DSG4: variants seen among roughly 807,000 people sequenced by gnomAD.
DSG4 encodes desmoglein 4.
In DSG4, 87 loss-of-function variants were observed where a neutral mutation model predicts 93.1. That is an observed-to-expected ratio of 0.93 (90% CI 0.79 to 1.12). The LOEUF is 1.12. Ranked by LOEUF, DSG4 falls within the 50% of genes most tolerant of loss-of-function variation. The probability of loss-of-function intolerance (pLI) is 0.00; values close to 1 mark genes in which losing one functional copy is unlikely to be tolerated. For synonymous variants in DSG4, 432 were observed against 452.9 expected, an observed-to-expected ratio of 0.95 and a Z score of 0.59; for missense variants, 1,373 against 1,285.7, an observed-to-expected ratio of 1.07 and a Z score of -1.04.
chr18:31,397,126 T>C (rs182522682), intron 8 of DSG4, among the ~76,000 whole-genome samples: 1 of 152,328 alleles, frequency 6.6e-6, no homozygotes, highest in East Asian at 1.9e-4. Flanking sequence ...CAGTGTCATA[T>C]TAAATTAGAA....
Position 31,392,428 on chromosome 18 carries a change from A to T in DSG4, c.1005+88A>T, listed in dbSNP as rs534492418. 1.0e-4 allele frequency: 137 copies of T among 1,339,596 alleles called. No homozygotes were observed. In the African/African-American group the frequency reaches 1.6e-3, roughly 16 times the overall value. The allele number at this position is 1,339,596 out of a possible 1,614,324, so 83.0% of individuals were successfully genotyped here. On this transcript the variant is annotated intron_variant, in intron 8 of 15. Transcript: ENST00000308128. ...GACCTTAGAGACAGAATCTGCCTTT[A>T]AAAAAAAGTACTTCATAACTTTGAA...
chr18:31,400,889 T>C lies in DSG4; in HGVS notation c.1286T>C (p.Ile429Thr), dbSNP rs2072357467. 21 of 1,612,218 alleles carry C rather than the reference T, an allele frequency of 1.3e-5. No individual in the cohort carries two copies. Among genetic ancestry groups the C allele is most frequent in the East Asian group, 2.2e-5 (1 of 44,726 alleles). The part of the protein sequence containing the change: ...GNPATDVRYI[I>T]GHDAGSWLKI... Reference sequence around the variant, plus strand: ...TTTTTATTTAAAAACAGATATATCATAGGGCATGATGCAGGCAGCTGGTTA... The same window carrying C: ...TTTTTATTTAAAAACAGATATATCACAGGGCATGATGCAGGCAGCTGGTTA... The change falls in exon 10 of 16, where the codon ATA (isoleucine) becomes ACA (threonine). Residue 429 changes from isoleucine to threonine, a missense_variant. Physicochemically the swap from Ile to Thr is moderately conservative, Grantham distance 89 (BLOSUM62 -1). Transcript: ENST00000308128.
chr18:31,378,213 G>A (rs987152486), intron 1 of DSG4, among the ~76,000 whole-genome samples: 9 of 152,082 alleles, frequency 5.9e-5, no homozygotes, highest in Admixed American at 3.3e-4. Flanking sequence ...AACATAAGAC[G>A]AAGGGCAATA....
intron 14 of DSG4, chr18:31,411,009 G>C (rs1012127266): frequency 1.3e-5 from 17 of 1,345,082 alleles, no homozygotes; most frequent in Non-Finnish European, 1.7e-5. Context: ...AATGTGGGAA[G>C]GCCACGTCCC....
rs151238705 is a variant in DSG4, at chr18:31,413,495, G to A, written c.3023G>A (p.Ser1008Asn). 598 of 1,613,794 alleles carry A rather than the reference G, an allele frequency of 3.7e-4. No homozygotes were observed. The African/African-American group carries it at 6.7e-3, about 18-fold the overall frequency. Residue 1008 changes from serine (S) to asparagine (N), a missense_variant, in exon 16 of 16, where the codon AGT (serine) becomes AAT (asparagine). By Grantham distance (46) the Ser-to-Asn change is conservative. Transcript: ENST00000308128. ...GPEIQVMQMM[S>N]PDLPIGQTVG... Reference sequence around the variant, plus strand: ...GAAATTCAAGTGATGCAAATGATGAGTCCAGACCTTCCCATAGGCCAAACC... The same window carrying A: ...GAAATTCAAGTGATGCAAATGATGAATCCAGACCTTCCCATAGGCCAAACC...
In DSG4 at chr18:31,409,538, G is replaced by A. The variant is rs764987570; in HGVS notation, c.2020G>A (p.Gly674Arg). Reference sequence around the variant, plus strand: ...AAGATTTGCTCCTGTGCCTGAGGGCGGAGAAGGAGTGATGCAGTCTTGGAG... The same window carrying A: ...AAGATTTGCTCCTGTGCCTGAGGGCAGAGAAGGAGTGATGCAGTCTTGGAG... ...GTRFAPVPEG[G>R]EGVMQSWRIE... The change falls in exon 13 of 16, where the codon GGA (glycine) becomes AGA (arginine). Residue 674 changes from glycine (G) to arginine (R), a missense_variant. By Grantham distance (125) the Gly-to-Arg change is moderately radical. Transcript: ENST00000308128. The A allele has an allele frequency of 1.2e-5, 19 of 1,614,016 alleles. No homozygotes were observed. The highest frequency in any genetic ancestry group is 5.5e-5 in the South Asian group (5 of 91,076).
Position 31,400,939 on chromosome 18 carries a change from A to G in DSG4, c.1336A>G (p.Ile446Val). 1.2e-6 allele frequency: 2 copies of G among 1,612,654 alleles called. No individual in the cohort carries two copies. Among genetic ancestry groups the G allele is most frequent in the Non-Finnish European group, 1.7e-6 (2 of 1,179,112 alleles). ...AAAAATTGATTCAAGAACTGGTGAG[A>G]TACAATTTTCTAGAGAATTTGATAA... ...WLKIDSRTGE[I>V]QFSREFDKKS... The change falls in exon 10 of 16, where the codon ATA becomes GTA. Residue 446 changes from isoleucine to valine, a missense_variant. By Grantham distance (29) the Ile-to-Val change is conservative. Transcript: ENST00000308128.
At chr18:31,382,897 A>C (rs2072150778) in intron 1 of DSG4, among the ~76,000 whole-genome samples, 1 of 152,194 alleles carries the variant, frequency 6.6e-6, no homozygotes, top group African/African-American at 2.4e-5. Context: ...AAGGATGAAA[A>C]GGGGCTTATA....
At position 31,379,443 on chromosome 18, in the gene DSG4, C is replaced by T. The variant is rs151020497; in HGVS notation, c.48+2484C>T. Among the ~76,000 whole-genome samples the T allele has an allele frequency of 2.3e-4, 35 of 152,226 alleles. 1 individual carries two copies. The South Asian group carries it at 5.6e-3, about 24-fold the overall frequency. On this transcript the variant is annotated intron_variant, in intron 1 of 15. Coordinates refer to ENST00000308128, the MANE Select transcript of DSG4 (RefSeq NM_177986.5). ...TGGCTGGAGAATCTGAGGATTTAGGCAATTCTATGGATTGTATAAATTTTA... is the reference window on the plus strand; with the variant it reads ...TGGCTGGAGAATCTGAGGATTTAGGTAATTCTATGGATTGTATAAATTTTA...
At position 31,414,446 on chromosome 18, in the gene DSG4, A is replaced by C. The variant is rs1021410146; in HGVS notation, c.*851A>C. ...CATTGACCTGAATCGTAGAGCTTTCAATTGGCAACCAGATATTCTCCAAAA... is the reference window on the plus strand; with the variant it reads ...CATTGACCTGAATCGTAGAGCTTTCCATTGGCAACCAGATATTCTCCAAAA... On this transcript the variant is annotated 3_prime_UTR_variant, in exon 16 of 16. Coordinates refer to ENST00000308128, the MANE Select transcript of DSG4 (RefSeq NM_177986.5). 3.3e-5 allele frequency: 5 copies of C among 152,186 alleles called. No homozygotes were observed. The highest frequency in any genetic ancestry group is 1.2e-4 in the African/African-American group (5 of 41,444). The allele number at this position is 152,186 out of a possible 1,614,324, so 9.4% of individuals were successfully genotyped here.
chr18:31,397,285 AC>A (rs911161539), intron 8 of DSG4, among the ~76,000 whole-genome samples: 23 of 151,898 alleles, frequency 1.5e-4, no homozygotes, highest in African/African-American at 5.3e-4. Context: ...TGCAGGTCAA[AC>A]CCCCAGCCAC....
chr18:31,377,426 T>C (rs559738022), intron 1 of DSG4, among the ~76,000 whole-genome samples: 1 of 152,302 alleles, frequency 6.6e-6, no homozygotes, highest in African/African-American at 2.4e-5. Context: ...ACATTGCAAC[T>C]AATGATGACA....
At chr18:31,384,597 A>G (rs1333210113) in intron 1 of DSG4, among the ~76,000 whole-genome samples, 2 of 152,124 alleles carry the variant, frequency 1.3e-5, no homozygotes, top group Admixed American at 6.6e-5. Flanking sequence ...TTATTCATCT[A>G]TTTTTCTAAT....
chr18:31,405,896 G>T (rs898776481), intron 11 of DSG4, among the ~76,000 whole-genome samples, 181 bp from the exon 12 acceptor site: 9 of 150,650 alleles, frequency 6.0e-5, no homozygotes, highest in Non-Finnish European at 1.0e-4. Flanking sequence ...AAAATAACAA[G>T]AATAATAATA....
intron 3 of DSG4, 62 bp downstream of exon 3, chr18:31,386,881 T>C: frequency 6.2e-7 from 1 of 1,607,456 alleles, no homozygotes; most frequent in Non-Finnish European, 8.5e-7. Context: ...TTCAAATATC[T>C]CCAAGATTTG....
chr18:31,384,967 G>A (rs185375936), intron 1 of DSG4, among the ~76,000 whole-genome samples, 169 bp from the exon 2 acceptor site: 4 of 152,176 alleles, frequency 2.6e-5, no homozygotes, highest in Admixed American at 2.6e-4. Flanking sequence ...AAATACTTTG[G>A]AGGGCAAAAA....
At position 31,399,442 on chromosome 18, in the gene DSG4, T is replaced by C; in HGVS notation, c.1176T>C (p.Phe392=). 6.2e-7 allele frequency: 1 copy of C among 1,614,056 alleles called. No individual in the cohort carries two copies. Among genetic ancestry groups the C allele is most frequent in the Non-Finnish European group, 8.5e-7 (1 of 1,179,920 alleles). ...GPAFHPSTMA[F]SVREGIKGSS... ...CATTTCATCCAAGTACTATGGCTTT[T>C]AGTGTGCGGGAAGGAATAAAAGGAA... The change falls in exon 9 of 16, where the codon TTT becomes TTC. Residue 392 remains phenylalanine (F), a synonymous_variant. Transcript: ENST00000308128.
chr18:31,406,033 C>A (rs1383839848), intron 11 of DSG4, 44 bp from the exon 12 acceptor site: 1 of 1,611,668 alleles, frequency 6.2e-7, no homozygotes, highest in Non-Finnish European at 8.5e-7. Flanking sequence ...CCTAGCCCAC[C>A]AAGGAATTTC....
In DSG4 at chr18:31,390,736, T is replaced by C; in HGVS notation, c.598T>C (p.Ser200Pro). 8 of 1,613,866 alleles carry C rather than the reference T, an allele frequency of 5.0e-6. No individual in the cohort carries two copies. Among genetic ancestry groups the C allele is most frequent in the Non-Finnish European group, 6.8e-6 (8 of 1,179,836 alleles). The change falls in exon 6 of 16, where the codon TCT becomes CCT. Residue 200 changes from serine to proline, a missense_variant. Physicochemically the swap from Ser to Pro is moderately conservative, Grantham distance 74. Transcript: ENST00000308128. ...TTCTAAAATTGCCTACAAGATCGTCTCTCAGGAGCCATCAGGTGCACCCAT... is the reference window on the plus strand; with the variant it reads ...TTCTAAAATTGCCTACAAGATCGTCCCTCAGGAGCCATCAGGTGCACCCAT... ...LNSKIAYKIV[S>P]QEPSGAPMFI...
Sources: allele counts gnomAD v4.1 joint callset (sites outside exome capture counted in the v4.1 genomes callset), GRCh38; gene constraint gnomAD v4.1.1; transcripts MANE v1.5; gene names NCBI Gene and HGNC (gene_info 2026-07-23, HGNC 2026-07-21).